Variants in ACSL6 observed in about 807,000 individuals in gnomAD.
The protein encoded by ACSL6 is acyl-CoA synthetase long chain family member 6.
A neutral mutation model predicts 98.2 loss-of-function variants in ACSL6; 47 were observed. That is an observed-to-expected ratio of 0.48 (90% CI 0.38 to 0.61). The LOEUF (loss-of-function observed/expected upper bound fraction) is 0.61, where lower values mean the gene tolerates loss of function less well. Among genes scored for constraint, ACSL6 ranks in the 20% least tolerant of loss-of-function variants. ACSL6 has a pLI of 0.00. For synonymous variants in ACSL6, 362 were observed against 336.9 expected, an observed-to-expected ratio of 1.07 and a Z score of -0.82; for missense variants, 761 against 913.4, an observed-to-expected ratio of 0.83 and a Z score of 2.15.
intron 15 of ACSL6, 99 bp downstream of exon 15, chr5:131,970,029 T>A: frequency 1.0e-6 from 1 of 993,068 alleles, no homozygotes; most frequent in Non-Finnish European, 1.6e-6. Flanking sequence ...TATTCCTAAG[T>A]ACCCATGCAA....
chr5:131,962,241 A>G (rs775142875), intron 18 of ACSL6, among the ~76,000 whole-genome samples: 24 of 152,180 alleles, frequency 1.6e-4, no homozygotes, highest in Non-Finnish European at 2.4e-4. Context: ...AAATAAAAAT[A>G]AAAACAGTAG....
chr5:131,971,664 G>A lies in ACSL6; in HGVS notation c.1339-19C>T. On this transcript the variant is annotated intron_variant, in intron 13 of 20. Transcript: ENST00000651883. ...GACTGGCCTGTGGGAAGAAAGAAGA[G>A]CTGCCAAATTTTGTGATGTCTGAGA... The A allele has an allele frequency of 1.9e-6, 3 of 1,586,120 alleles. No homozygotes were observed. The highest frequency in any genetic ancestry group is 2.6e-6 in the Non-Finnish European group (3 of 1,164,948).
At chr5:131,977,915 C>T (rs909714280) in intron 9 of ACSL6, among the ~76,000 whole-genome samples, 6 of 151,952 alleles carry the variant, frequency 3.9e-5, no homozygotes, top group Admixed American at 3.9e-4. Flanking sequence ...TCTTTGGAGA[C>T]AGCTACACTG....
intron 9 of ACSL6, among the ~76,000 whole-genome samples, chr5:131,980,394 T>C (rs1217907135): frequency 6.6e-6 from 1 of 152,330 alleles, no homozygotes; most frequent in East Asian, 1.9e-4. Flanking sequence ...ATGTTGGCAC[T>C]GTGCTGGGCA....
intron 9 of ACSL6, among the ~76,000 whole-genome samples, chr5:131,978,062 A>G (rs1038838406): frequency 7.2e-5 from 11 of 152,250 alleles, no homozygotes; most frequent in Non-Finnish European, 1.2e-4. Context: ...ACCCAATGAG[A>G]AAGATGAAGA....
upstream of ACSL6, chr5:132,011,685 C>T (rs951168966): frequency 3.2e-6 from 4 of 1,269,236 alleles, no homozygotes; most frequent in Non-Finnish European, 4.0e-6. This position sits in a 1 kb window ranked among gnomAD's most constrained non-coding sequence, Gnocchi z 5.4. Flanking sequence ...CCCCGCCCTC[C>T]GGCCCCGCAG....
At chr5:131,968,245 A>C (rs1293409090) in intron 15 of ACSL6, 1 of 510,018 alleles carries the variant, frequency 2.0e-6, no homozygotes, top group East Asian at 3.2e-5. Context: ...TTTGTTTTAC[A>C]TCCGATTCTT....
In ACSL6 at chr5:131,960,597, G is replaced by A. The variant is rs1383265009; in HGVS notation, c.1882C>T (p.Pro628Ser). Reference protein sequence around the residue: ...LKAFLVGIVVPDPEVMPSWAQ... With the variant: ...LKAFLVGIVVSDPEVMPSWAQ... ...CAGGAGGGCATAACTTCAGGGTCAGGCACAACAATGCCTACCAAAAAGGCC... is the reference window on the plus strand; with the variant it reads ...CAGGAGGGCATAACTTCAGGGTCAGACACAACAATGCCTACCAAAAAGGCC... The change falls in exon 19 of 21, where the codon CCT becomes TCT. Residue 628 changes from proline (P) to serine (S), a missense_variant. Transcript: ENST00000651883. The A allele has an allele frequency of 6.2e-7, 1 of 1,613,914 alleles. No individual in the cohort carries two copies. Among genetic ancestry groups the A allele is most frequent in the East Asian group, 2.2e-5 (1 of 44,868 alleles).
chr5:132,006,047 A>C (rs2126963127), intron 1 of ACSL6, among the ~76,000 whole-genome samples: 1 of 152,336 alleles, frequency 6.6e-6, no homozygotes, highest in Non-Finnish European at 1.5e-5. Context: ...CCCAGGAGAC[A>C]GTGATCTCGG....
rs763810432 is a variant in ACSL6, at chr5:131,954,252, A to C, written c.2151T>G (p.Leu717=). The C allele has an allele frequency of 6.2e-7, 1 of 1,613,472 alleles. No homozygotes were observed. The highest frequency in any genetic ancestry group is 1.7e-5 in the Admixed American group (1 of 59,890). ...TTGAACTTCACATGGAGATTGAGTA[A>C]AGCTCTTCTATTTGTTTTTTGAAGT... ...REYFKKQIEE[L]YSISM is the part of the protein sequence containing the mutation. Residue 717 remains leucine (L), a synonymous_variant, in exon 21 of 21, where the codon CTT becomes CTG. Coordinates refer to ENST00000651883, the MANE Select transcript of ACSL6 (RefSeq NM_001009185.3).
chr5:131,971,683 T>C, intron 13 of ACSL6, 38 bp from the exon 14 acceptor site: 1 of 1,550,022 alleles, frequency 6.5e-7, no homozygotes, highest in Non-Finnish European at 8.8e-7. Context: ...TTTTGTGATG[T>C]CTGAGATGGT....
chr5:132,000,953 G>A (rs1349334836), intron 1 of ACSL6, among the ~76,000 whole-genome samples: 1 of 152,102 alleles, frequency 6.6e-6, no homozygotes, highest in South Asian at 2.1e-4. Context: ...ATCTGGGTGA[G>A]CCATGAGAAG....
At chr5:131,970,309 G>C in intron 14 of ACSL6, 109 bp from the exon 15 acceptor site, 1 of 938,858 alleles carries the variant, frequency 1.1e-6, no homozygotes, top group Non-Finnish European at 1.7e-6. Context: ...ACTGCTTCAT[G>C]ATCAGGGCGA....
At chr5:131,991,189 A>G (rs1001869503) in intron 2 of ACSL6, among the ~76,000 whole-genome samples, 8 of 152,194 alleles carry the variant, frequency 5.3e-5, no homozygotes, top group Non-Finnish European at 1.0e-4. Context: ...CTCATGCATA[A>G]AGGCCGGGTA....
chr5:131,966,467 G>A lies in ACSL6; in HGVS notation c.1662C>T (p.Ala554=). ...YLKDPDRTKE[A]LDSDGWLHTG... ...TGTGAAGCCAGCCATCGCTGTCCAG[G>A]GCCTCCTTCGTCCTGTCTGGATCTT... Residue 554 remains alanine, a synonymous_variant, in exon 17 of 21, where the codon GCC becomes GCT. Coordinates refer to ENST00000651883, the MANE Select transcript of ACSL6 (RefSeq NM_001009185.3). 9 of 1,614,124 alleles carry A rather than the reference G, an allele frequency of 5.6e-6. No homozygotes were observed. The highest frequency in any genetic ancestry group is 7.6e-6 in the Non-Finnish European group (9 of 1,180,032).
intron 3 of ACSL6, 89 bp downstream of exon 3, chr5:131,990,764 C>T: frequency 8.2e-7 from 1 of 1,216,618 alleles, no homozygotes; most frequent in Non-Finnish European, 1.2e-6. Context: ...CCTGCCATGG[C>T]CCTGGTATCA....
At chr5:131,985,925 T>C (rs1754153057) in intron 8 of ACSL6, among the ~76,000 whole-genome samples, 1 of 152,242 alleles carries the variant, frequency 6.6e-6, no homozygotes, top group African/African-American at 2.4e-5. Flanking sequence ...TCACCAAGGC[T>C]GCTCTGCATC....
At chr5:132,008,172 T>C (rs891884557) in intron 1 of ACSL6, among the ~76,000 whole-genome samples, 2 of 152,212 alleles carry the variant, frequency 1.3e-5, no homozygotes, top group African/African-American at 4.8e-5. Flanking sequence ...AGCCACCTGT[T>C]CTGCCTGGAG....
chr5:131,952,496 G>C lies in ACSL6; in HGVS notation c.*1738C>G, dbSNP rs2149670347. On this transcript the variant is annotated 3_prime_UTR_variant, in exon 21 of 21. Transcript: ENST00000651883. ...CAAACTGCTTGGCATTCCTCCAAGGGAAAGGAGCTTCTAGACTACAAACAC... is the reference window on the plus strand; with the variant it reads ...CAAACTGCTTGGCATTCCTCCAAGGCAAAGGAGCTTCTAGACTACAAACAC... The C allele has an allele frequency of 4.6e-6, 1 of 216,194 alleles. No individual in the cohort carries two copies. Among genetic ancestry groups the C allele is most frequent in the East Asian group, 6.9e-5 (1 of 14,512 alleles). The allele number at this position is 216,194 out of a possible 1,614,324, so 13.4% of individuals were successfully genotyped here.
Sources: gnomAD v4.1 joint callset for allele counts (sites outside exome capture counted in the v4.1 genomes callset) on GRCh38, gnomAD v4.1.1 for gene constraint, Gnocchi (gnomAD v3.1) non-coding constraint, MANE v1.5 for transcripts, NCBI Gene and HGNC (gene_info 2026-07-23, HGNC 2026-07-21) for gene names.